The following SHANK2 variants were observed in gnomAD, a reference collection of about 807,000 sequenced individuals.
SHANK2 encodes SH3 and multiple ankyrin repeat domains protein 2.
Under a neutral mutation model 133.7 loss-of-function variants are expected in SHANK2, and 43 were observed. That is an observed-to-expected ratio of 0.32 (90% confidence interval 0.25 to 0.41). The LOEUF (loss-of-function observed/expected upper bound fraction) is 0.41. Among genes scored for constraint, SHANK2 ranks in the 10% least tolerant of loss-of-function variants. SHANK2 has a pLI of 1.00. For missense variants in SHANK2, 1,994 were observed against 2,235.8 expected (o/e 0.89, Z 2.18); for synonymous variants, 1,017 against 952.8 (o/e 1.07, Z -1.24).
At chr11:70,716,760 C>A (rs976807626) in intron 14 of SHANK2, among the ~76,000 whole-genome samples, 12 of 152,180 alleles carry the variant, frequency 7.9e-5, no homozygotes, top group Admixed American at 7.2e-4. Context: ...TGAAGACCAG[C>A]GGGGAGACTG....
At chr11:70,541,962 T>G (rs113896291) in intron 17 of SHANK2, among the ~76,000 whole-genome samples, 17 of 152,312 alleles carry the variant, frequency 1.1e-4, no homozygotes, top group African/African-American at 3.6e-4. Flanking sequence ...CAGAAGCTTC[T>G]GCACACCCCG....
chr11:71,114,125 C>T (rs975891371), intron 4 of SHANK2, among the ~76,000 whole-genome samples: 1 of 152,178 alleles, frequency 6.6e-6, no homozygotes, highest in Non-Finnish European at 1.5e-5. Flanking sequence ...CCCTAATGCT[C>T]TCAACTCACA....
chr11:70,782,888 G>A (rs1272179229), intron 14 of SHANK2, among the ~76,000 whole-genome samples: 1 of 152,170 alleles, frequency 6.6e-6, no homozygotes, highest in South Asian at 2.1e-4. Context: ...CTGGTGACAC[G>A]TGGGCACCAT....
At chr11:70,828,991 G>A (rs112552548) in intron 11 of SHANK2, among the ~76,000 whole-genome samples, 10,235 of 152,314 alleles carry the variant, frequency 0.067, 406 homozygotes, top group Middle Eastern at 0.18. Flanking sequence ...GAGCCTGCAC[G>A]TTTCTGGGCT....
Position 70,820,465 on chromosome 11 carries a change from A to G in SHANK2, c.1392T>C (p.Ile464=). 1.4e-6 allele frequency: 1 copy of G among 716,570 alleles called. No individual in the cohort carries two copies. The highest frequency in any genetic ancestry group is 2.6e-6 in the Non-Finnish European group (1 of 384,478). 44.4% of individuals were successfully genotyped at this position (716,570 alleles called of 1,614,324 possible). Residue 464 remains isoleucine (I), a synonymous_variant, in exon 12 of 26, where the codon ATT becomes ATC. Coordinates refer to ENST00000601538, the MANE Select transcript of SHANK2 (RefSeq NM_012309.5). ...PSKPEGAAKT[I]GSYVPGPRSR... is the part of the protein sequence containing the mutation. ...TGCGGGGCCCGGGCACGTAGCTCCCAATGGTCTTCGCGGCCCCCTCGGGCT... is the reference window on the plus strand; with the variant it reads ...TGCGGGGCCCGGGCACGTAGCTCCCGATGGTCTTCGCGGCCCCCTCGGGCT...
At chr11:70,608,917 C>T (rs1035814009) in intron 17 of SHANK2, among the ~76,000 whole-genome samples, 2 of 152,224 alleles carry the variant, frequency 1.3e-5, no homozygotes, top group Non-Finnish European at 2.9e-5. Flanking sequence ...TTTTGAATAA[C>T]GAGATAATGG....
chr11:71,108,208 G>A (rs1178882516), intron 6 of SHANK2, among the ~76,000 whole-genome samples: 1 of 152,208 alleles, frequency 6.6e-6, no homozygotes, highest in Non-Finnish European at 1.5e-5. Context: ...ACAGAGCCAG[G>A]AGCTGGCACA....
intron 11 of SHANK2, among the ~76,000 whole-genome samples, chr11:70,847,527 AC>A (rs782451377): frequency 1.6e-4 from 25 of 152,274 alleles, no homozygotes; most frequent in South Asian, 4.1e-4. Flanking sequence ...CTGCCCCCCT[AC>A]CCAACTCAGA....
intron 2 of SHANK2, among the ~76,000 whole-genome samples, chr11:71,158,297 T>C (rs117176486): frequency 0.012 from 1,828 of 151,976 alleles, 12 homozygotes; most frequent in Non-Finnish European, 0.019. Context: ...TATACAAAAG[T>C]TAAGTGAATT....
At chr11:70,532,418 A>G (rs2059485851) in intron 17 of SHANK2, among the ~76,000 whole-genome samples, 1 of 152,178 alleles carries the variant, frequency 6.6e-6, no homozygotes, top group Admixed American at 6.5e-5. Context: ...ACATTTGCAC[A>G]AAGGTATTGT....
intron 4 of SHANK2, among the ~76,000 whole-genome samples, chr11:71,114,025 T>C (rs1004471403): frequency 1.3e-5 from 2 of 152,226 alleles, no homozygotes; most frequent in Non-Finnish European, 2.9e-5. Context: ...GCCCCCCGCT[T>C]GGCTGGAGAT....
At chr11:70,499,610 A>AG (rs782700134) in intron 21 of SHANK2, among the ~76,000 whole-genome samples, 2 of 152,238 alleles carry the variant, frequency 1.3e-5, no homozygotes, top group Admixed American at 6.5e-5. Context: ...CTTGGATTGA[A>AG]GGGGTGTTCA....
intron 14 of SHANK2, among the ~76,000 whole-genome samples, chr11:70,755,376 G>A (rs1367723739): frequency 6.6e-6 from 1 of 152,250 alleles, no homozygotes. Context: ...CCAGCGCGCA[G>A]GCAGCCTTCT....
intron 2 of SHANK2, among the ~76,000 whole-genome samples, chr11:71,153,201 CCCAGGAAAAG>C (rs1410615729): frequency 6.6e-6 from 1 of 151,296 alleles, no homozygotes; most frequent in South Asian, 2.1e-4. Flanking sequence ...TCCTGGCTTC[CCCAGGAAAAG>C]CCAGTGCCAG....
chr11:70,483,419 C>T (rs782230677), intron 25 of SHANK2, among the ~76,000 whole-genome samples: 3 of 151,498 alleles, frequency 2.0e-5, no homozygotes, highest in Non-Finnish European at 4.4e-5. Context: ...AGATTTTTGG[C>T]CCAGTGCAGT....
intron 17 of SHANK2, among the ~76,000 whole-genome samples, chr11:70,594,984 C>G (rs992774492): frequency 6.6e-6 from 1 of 151,974 alleles, no homozygotes; most frequent in Non-Finnish European, 1.5e-5. Flanking sequence ...GCTTCAGGGC[C>G]GGGAGCCGGG....
At chr11:70,666,057 A>G (rs1364201858) in intron 15 of SHANK2, among the ~76,000 whole-genome samples, 1 of 152,190 alleles carries the variant, frequency 6.6e-6, no homozygotes, top group Non-Finnish European at 1.5e-5. Flanking sequence ...AGTCAGGAGC[A>G]GAGCAGGGAG....
chr11:71,162,103 A>G (rs1180466502), intron 2 of SHANK2, among the ~76,000 whole-genome samples: 3 of 152,236 alleles, frequency 2.0e-5, no homozygotes, highest in Admixed American at 2.0e-4. Flanking sequence ...GAATTAACCA[A>G]TGAACTGGAA....
rs954370118 is a variant in SHANK2 at position 70,500,475 on chromosome 11, G to A, written c.2308+95C>T. The A allele has an allele frequency of 3.4e-5, 51 of 1,520,904 alleles. No homozygotes were observed. The African/African-American group carries it at 5.6e-4, about 17-fold the overall frequency. 94.2% of individuals were successfully genotyped at this position (1,520,904 alleles called of 1,614,324 possible). On this transcript the variant is annotated intron_variant, in intron 21 of 25. Coordinates refer to ENST00000601538, the MANE Select transcript of SHANK2 (RefSeq NM_012309.5). The surrounding 1 kb of genome is among the most constrained non-coding windows in gnomAD (Gnocchi z 4.5). Reference sequence around the variant, plus strand: ...GCAGGAGAAGCCAACAAGGCTTTGCGACACATTTGAGACTTCACGGCATCA... The same window carrying A: ...GCAGGAGAAGCCAACAAGGCTTTGCAACACATTTGAGACTTCACGGCATCA...
Sources: gnomAD v4.1 joint callset for allele counts (sites outside exome capture counted in the v4.1 genomes callset) on GRCh38, gnomAD v4.1.1 for gene constraint, Gnocchi (gnomAD v3.1) non-coding constraint, MANE v1.5 for transcripts, NCBI Gene and HGNC (gene_info 2026-07-23, HGNC 2026-07-21) for gene names.